The following MEIS2 variants were observed in gnomAD, a reference collection of about 807,000 sequenced individuals.
MEIS2 encodes the protein Meis homeobox 2.
MEIS2 carries 9 observed loss-of-function variants against 58.6 expected under a neutral mutation model. The observed-to-expected ratio is 0.15, with a 90% CI of 0.09 to 0.27. MEIS2 has a LOEUF of 0.27. Ranked by LOEUF, MEIS2 falls within the 10% of genes least tolerant of loss-of-function variation. The probability of loss-of-function intolerance (pLI) is 1.00; values close to 1 mark genes in which losing one functional copy is unlikely to be tolerated. For synonymous variants in MEIS2, 221 were observed against 228.4 expected (o/e 0.97, Z 0.29); for missense variants, 427 against 635.0 (o/e 0.67, Z 3.52).
intron 8 of MEIS2, among the ~76,000 whole-genome samples, chr15:36,983,809 G>C (rs959643265): frequency 1.3e-5 from 2 of 151,918 alleles, no homozygotes; most frequent in Non-Finnish European, 2.9e-5. Context: ...TTGTGATTTT[G>C]TCAACTTCTT....
At chr15:37,004,153 T>C (rs1014582973) in intron 8 of MEIS2, among the ~76,000 whole-genome samples, 3 of 152,278 alleles carry the variant, frequency 2.0e-5, no homozygotes, top group African/African-American at 7.2e-5. Flanking sequence ...GCCTAGCAGT[T>C]TCTACTTACC....
intron 1 of MEIS2, 167 bp downstream of exon 1, chr15:37,099,288 A>T: frequency 6.7e-7 from 1 of 1,485,602 alleles, no homozygotes; most frequent in Non-Finnish European, 9.0e-7. Flanking sequence ...ACGCAGAGGC[A>T]CGGGAGGGAA....
At chr15:37,095,448 C>T in intron 4 of MEIS2, 116 bp downstream of exon 4, 1 of 1,507,316 alleles carries the variant, frequency 6.6e-7, no homozygotes, top group Non-Finnish European at 9.2e-7. Flanking sequence ...CCCTCTCTCC[C>T]TAGAGCTCCA....
intron 9 of MEIS2, among the ~76,000 whole-genome samples, chr15:36,947,089 C>T (rs1379905385): frequency 6.6e-6 from 1 of 151,982 alleles, no homozygotes; most frequent in South Asian, 2.1e-4. Flanking sequence ...TTGTGATTAG[C>T]TTTGACAGTG....
chr15:37,068,999 C>G (rs1890326437), intron 7 of MEIS2, among the ~76,000 whole-genome samples: 1 of 152,192 alleles, frequency 6.6e-6, no homozygotes. Context: ...AATTTTTCCT[C>G]TAATTTTTAA....
intron 8 of MEIS2, among the ~76,000 whole-genome samples, chr15:36,988,706 A>G (rs2060172772): frequency 6.6e-6 from 1 of 152,242 alleles, no homozygotes; most frequent in Admixed American, 6.5e-5. Flanking sequence ...ATAACCATCA[A>G]CCATTCTTTC....
chr15:37,048,615 T>A (rs1487894276), intron 7 of MEIS2, among the ~76,000 whole-genome samples: 1 of 152,090 alleles, frequency 6.6e-6, no homozygotes, highest in Non-Finnish European at 1.5e-5. Flanking sequence ...CTTTGCCAAC[T>A]ATTGTAAAAT....
chr15:36,908,254 G>C (rs543230843), intron 9 of MEIS2, among the ~76,000 whole-genome samples: 2 of 152,046 alleles, frequency 1.3e-5, no homozygotes, highest in Non-Finnish European at 2.9e-5. Context: ...CCAATGTGAC[G>C]GTATTATTAC....
At chr15:36,992,644 A>T (rs559271280) in intron 8 of MEIS2, among the ~76,000 whole-genome samples, 14 of 152,236 alleles carry the variant, frequency 9.2e-5, no homozygotes, top group Admixed American at 7.2e-4. Flanking sequence ...GGACAAAAAG[A>T]TCTTATCTTA....
At chr15:37,023,368 G>T (rs2061590400) in intron 8 of MEIS2, among the ~76,000 whole-genome samples, 4 of 152,112 alleles carry the variant, frequency 2.6e-5, no homozygotes, top group Admixed American at 2.6e-4. Flanking sequence ...TGTGCCTATT[G>T]TGTCAGCCAG....
At chr15:37,087,579 G>C (rs933673894) in intron 6 of MEIS2, among the ~76,000 whole-genome samples, 2 of 150,532 alleles carry the variant, frequency 1.3e-5, no homozygotes, top group African/African-American at 4.9e-5. Context: ...AATTGTGCCA[G>C]TGTTTTCTCC....
chr15:37,098,375 A>AG (rs1205039042), intron 1 of MEIS2, 176 bp from the exon 2 acceptor site: 1 of 671,130 alleles, frequency 1.5e-6, no homozygotes, highest in African/African-American at 2.8e-5. Context: ...AAAGGAGGAG[A>AG]GGGGGAGAGA....
chr15:36,928,476 A>G (rs1307148964), intron 9 of MEIS2, among the ~76,000 whole-genome samples: 2 of 152,180 alleles, frequency 1.3e-5, no homozygotes, highest in Non-Finnish European at 1.5e-5. Flanking sequence ...TAGTGAGGCC[A>G]GATGCAAACT....
In MEIS2 at chr15:36,908,299, A is replaced by G. The variant is rs1595697334; in HGVS notation, c.978-11613T>C. Among the ~76,000 whole-genome samples the G allele has an allele frequency of 2.0e-5, 3 of 152,336 alleles. 1 individual carries two copies. ...TTTCGGCATCATCCCGTAATCATAA[A>G]AGACATAAAATATATCTTTATAAAC... On this transcript the variant is annotated intron_variant, in intron 9 of 11. Transcript: ENST00000561208.
chr15:37,071,229 A>C (rs1022897871), intron 7 of MEIS2, among the ~76,000 whole-genome samples: 1 of 152,118 alleles, frequency 6.6e-6, no homozygotes, highest in African/African-American at 2.4e-5. Context: ...AAAACATAGA[A>C]ACTGTCCTCA....
chr15:36,933,667 CA>C (rs1483781568), intron 9 of MEIS2, among the ~76,000 whole-genome samples: 1 of 152,220 alleles, frequency 6.6e-6, no homozygotes, highest in East Asian at 1.9e-4. Flanking sequence ...AAGGGATTAA[CA>C]GTGAAATCGT....
At chr15:37,049,384 A>T (rs2062812775) in intron 7 of MEIS2, among the ~76,000 whole-genome samples, 1 of 152,216 alleles carries the variant, frequency 6.6e-6, no homozygotes, top group South Asian at 2.1e-4. Flanking sequence ...CAACTTTGTG[A>T]ATATATTAAA....
intron 6 of MEIS2, among the ~76,000 whole-genome samples, chr15:37,092,600 C>T (rs1407681531): frequency 2.0e-5 from 3 of 150,664 alleles, no homozygotes; most frequent in Non-Finnish European, 4.4e-5. Context: ...CTGCTGTTCA[C>T]ACCCACTCTT....
Position 37,097,994 on chromosome 15 carries a change from A to C in MEIS2, c.218T>G (p.Leu73Trp). 1 of 1,608,314 alleles carries C rather than the reference A, an allele frequency of 6.2e-7. No homozygotes were observed. Among genetic ancestry groups the C allele is most frequent in the Non-Finnish European group, 8.5e-7 (1 of 1,176,160 alleles). ...ASMGSAVNDA[L>W]KRDKDAIYGH... Reference sequence around the variant, plus strand: ...ATAGATCGCGTCCTTGTCCCGCTTCAAGGCGTCGTTGACAGCGGATCCCAT... The same window carrying C: ...ATAGATCGCGTCCTTGTCCCGCTTCCAGGCGTCGTTGACAGCGGATCCCAT... Residue 73 changes from leucine to tryptophan, a missense_variant, in exon 2 of 12, where the codon TTG becomes TGG. Physicochemically the swap from Leu to Trp is moderately conservative, Grantham distance 61. Coordinates refer to ENST00000561208, the MANE Select transcript of MEIS2 (RefSeq NM_170675.5).
Sources: gnomAD v4.1 joint callset for allele counts (sites outside exome capture counted in the v4.1 genomes callset) on GRCh38, gnomAD v4.1.1 for gene constraint, MANE v1.5 for transcripts, NCBI Gene and HGNC (gene_info 2026-07-23, HGNC 2026-07-21) for gene names.